Variants in CDC42BPA observed in about 807,000 individuals in gnomAD.
CDC42BPA encodes serine/threonine-protein kinase MRCK alpha.
In CDC42BPA, 80 loss-of-function variants were observed where a neutral mutation model predicts 223.5. That is an observed-to-expected ratio of 0.36 (90% confidence interval 0.30 to 0.43). The LOEUF (loss-of-function observed/expected upper bound fraction) is 0.43, where lower values mean the gene tolerates loss of function less well. Ranked by LOEUF, CDC42BPA falls within the 20% of genes least tolerant of loss-of-function variation. CDC42BPA has a pLI of 1.00. For synonymous variants in CDC42BPA, 694 were observed against 718.6 expected (o/e 0.97, Z 0.55); for missense variants, 1,743 against 2,099.9 (o/e 0.83, Z 3.32).
At chr1:227,268,966 C>T (rs1047308209) in intron 1 of CDC42BPA, among the ~76,000 whole-genome samples, 7 of 151,448 alleles carry the variant, frequency 4.6e-5, no homozygotes, top group Non-Finnish European at 7.4e-5. Flanking sequence ...ATTACAGGCA[C>T]GAGCCACTGG....
At chr1:227,034,568 A>G (rs1669896590) in intron 26 of CDC42BPA, 87 bp downstream of exon 26, 2 of 1,247,124 alleles carry the variant, frequency 1.6e-6, no homozygotes, top group African/African-American at 1.5e-5. Flanking sequence ...CATTTAAATA[A>G]ACCATGGCAA....
chr1:227,255,432 T>C (rs1696717812), intron 1 of CDC42BPA, among the ~76,000 whole-genome samples: 1 of 139,502 alleles, frequency 7.2e-6, no homozygotes, highest in Non-Finnish European at 1.6e-5. Flanking sequence ...TATTTGTGTT[T>C]TGTAAGGAAA....
chr1:227,207,413 G>C (rs1222392414), intron 3 of CDC42BPA, among the ~76,000 whole-genome samples: 7 of 126,602 alleles, frequency 5.5e-5, no homozygotes, highest in Non-Finnish European at 6.5e-5. Context: ...TGTGCACATT[G>C]TGCAGGTTAG....
At position 227,057,128 on chromosome 1, in the gene CDC42BPA, A is replaced by T. The variant is rs557453933; in HGVS notation, c.2905-5143T>A. On this transcript the variant is annotated intron_variant, in intron 21 of 36. Coordinates refer to ENST00000366766, the MANE Select transcript of CDC42BPA (RefSeq NM_001394014.1). The stretch of plus-strand genomic sequence containing the variant: ...CTCTGCTCCAAACTCTAAATGAACA[A>T]TCTGAAATAATACATTCAGTGTTTC... Among the ~76,000 whole-genome samples the T allele has an allele frequency of 3.9e-5, 6 of 152,314 alleles. No individual in the cohort carries two copies. In the South Asian group the frequency reaches 1.2e-3, roughly 32 times the overall value.
chr1:227,227,514 A>G (rs1230317926), intron 2 of CDC42BPA, among the ~76,000 whole-genome samples: 1 of 152,246 alleles, frequency 6.6e-6, no homozygotes, highest in Non-Finnish European at 1.5e-5. Flanking sequence ...ACTTTCCTAT[A>G]TATCATAAAT....
chr1:227,185,773 T>C (rs1234826525), intron 5 of CDC42BPA, among the ~76,000 whole-genome samples: 1 of 150,050 alleles, frequency 6.7e-6, no homozygotes, highest in Admixed American at 6.6e-5. Flanking sequence ...CTAATTCAAC[T>C]TAAGAGGAAG....
At chr1:227,101,994 A>G (rs1235387526) in intron 14 of CDC42BPA, among the ~76,000 whole-genome samples, 1 of 152,234 alleles carries the variant, frequency 6.6e-6, no homozygotes, top group African/African-American at 2.4e-5. Context: ...TAAGCTTTGT[A>G]ATTTTCCAAA....
At chr1:227,294,150 T>C (rs7513122) in intron 1 of CDC42BPA, among the ~76,000 whole-genome samples, 25,711 of 151,290 alleles carry the variant, frequency 0.17, 2,210 homozygotes, top group Middle Eastern at 0.21. Flanking sequence ...CAGGCACCTG[T>C]AGTCCCAGCT....
chr1:227,173,428 C>A (rs1225831737), intron 5 of CDC42BPA, among the ~76,000 whole-genome samples: 1 of 152,152 alleles, frequency 6.6e-6, no homozygotes. Context: ...ACTAGACAAT[C>A]TACCAATGTA....
chr1:227,174,071 G>A (rs1274876153), intron 5 of CDC42BPA, among the ~76,000 whole-genome samples: 1 of 152,098 alleles, frequency 6.6e-6, no homozygotes, highest in East Asian at 1.9e-4. Context: ...ATACTCTAGT[G>A]TAACAGTTTT....
At chr1:227,135,157 G>C (rs1023116378) in intron 10 of CDC42BPA, among the ~76,000 whole-genome samples, 15 of 152,180 alleles carry the variant, frequency 9.9e-5, no homozygotes, top group African/African-American at 3.4e-4. Flanking sequence ...ATGCTGGAAA[G>C]AAAAACCACT....
At chr1:227,177,687 T>A (rs1450100280) in intron 5 of CDC42BPA, among the ~76,000 whole-genome samples, 2 of 152,184 alleles carry the variant, frequency 1.3e-5, no homozygotes, top group Non-Finnish European at 2.9e-5. Context: ...CAATTTTTTA[T>A]TCTACAAATT....
chr1:227,021,513 A>G (rs902188878), intron 32 of CDC42BPA, among the ~76,000 whole-genome samples: 3 of 152,170 alleles, frequency 2.0e-5, no homozygotes, highest in African/African-American at 7.2e-5. Context: ...TCACCAAGAA[A>G]CCTCTGGTTC....
At chr1:227,276,611 G>A (rs1249822946) in intron 1 of CDC42BPA, among the ~76,000 whole-genome samples, 2 of 152,210 alleles carry the variant, frequency 1.3e-5, no homozygotes, top group African/African-American at 2.4e-5. Context: ...CCATGATGAC[G>A]ATGGCGGTTT....
chr1:227,120,013 AT>A (rs869156133), intron 11 of CDC42BPA, 76 bp from the exon 12 acceptor site: 69 of 1,214,162 alleles, frequency 5.7e-5, no homozygotes, highest in Middle Eastern at 2.3e-4. Context: ...AACAACTAAA[AT>A]TTTTTTTAAA....
At chr1:227,207,571 T>C (rs1673018925) in intron 3 of CDC42BPA, among the ~76,000 whole-genome samples, 1 of 142,314 alleles carries the variant, frequency 7.0e-6, no homozygotes, top group Non-Finnish European at 1.5e-5. Flanking sequence ...TGTGTCCCTG[T>C]GATCTCACTG....
chr1:227,096,358 T>C (rs1441149785), intron 15 of CDC42BPA, among the ~76,000 whole-genome samples: 3 of 152,214 alleles, frequency 2.0e-5, no homozygotes, highest in Non-Finnish European at 4.4e-5. Flanking sequence ...CTTAAGTCTC[T>C]TCCATATTAA....
intron 3 of CDC42BPA, among the ~76,000 whole-genome samples, chr1:227,212,288 T>C (rs1674062123): frequency 1.3e-5 from 2 of 152,196 alleles, no homozygotes; most frequent in Non-Finnish European, 1.5e-5. Context: ...TTTCCCTGTA[T>C]GTTTGTTCAT....
chr1:227,297,434 G>T (rs2148702702), intron 1 of CDC42BPA, among the ~76,000 whole-genome samples: 1 of 152,212 alleles, frequency 6.6e-6, no homozygotes, highest in Admixed American at 6.5e-5. Context: ...TCACTCCTAA[G>T]CATATATGCA....
Sources: gnomAD v4.1 joint callset for allele counts (sites outside exome capture counted in the v4.1 genomes callset) on GRCh38, gnomAD v4.1.1 for gene constraint, MANE v1.5 for transcripts, NCBI Gene and HGNC (gene_info 2026-07-23, HGNC 2026-07-21) for gene names.